PHACTR1: variants seen among roughly 807,000 people sequenced by gnomAD.
The protein encoded by PHACTR1 is phosphatase and actin regulator 1.
A neutral mutation model predicts 69.2 loss-of-function variants in PHACTR1; 16 were observed. The ratio of observed to expected loss-of-function variants is 0.23; its 90% CI spans 0.16 to 0.35. PHACTR1 has a LOEUF of 0.35. Among genes scored for constraint, PHACTR1 ranks in the 10% least tolerant of loss-of-function variants. The probability of loss-of-function intolerance (pLI) is 1.00; values close to 1 mark genes in which losing one functional copy is unlikely to be tolerated. For synonymous variants in PHACTR1, 312 were observed against 284.5 expected, an observed-to-expected ratio of 1.10 and a Z score of -0.97; for missense variants, 510 against 734.7, an observed-to-expected ratio of 0.69 and a Z score of 3.54.
At chr6:12,750,451 T>C (rs1554133022) in intron 4 of PHACTR1, among the ~76,000 whole-genome samples, 1 of 141,094 alleles carries the variant, frequency 7.1e-6, no homozygotes, top group Non-Finnish European at 1.5e-5. Flanking sequence ...GAAGGGAAGA[T>C]AGGGAGGAAA....
At position 12,755,997 on chromosome 6, in the gene PHACTR1, G is replaced by A. The variant is rs1045761816; in HGVS notation, c.250+6207G>A. 3.3e-5 allele frequency among the ~76,000 whole-genome samples: 5 copies of A among 152,208 alleles called. No individual in the cohort carries two copies. The South Asian group carries it at 1.0e-3, about 32-fold the overall frequency. ...AACTTCTTTCCCTTTTTCTTCACGTGCATATAAACTGACAGGTTCATCACC... is the reference window on the plus strand; with the variant it reads ...AACTTCTTTCCCTTTTTCTTCACGTACATATAAACTGACAGGTTCATCACC... On this transcript the variant is annotated intron_variant, in intron 4 of 14. Transcript: ENST00000332995.
chr6:13,243,244 C>CT (rs58107564), intron 10 of PHACTR1, among the ~76,000 whole-genome samples: 1,680 of 136,200 alleles, frequency 0.012, 30 homozygotes, highest in East Asian at 0.051. Flanking sequence ...TGTCAGACCA[C>CT]TTTTTTTTTT....
intron 4 of PHACTR1, among the ~76,000 whole-genome samples, chr6:12,758,898 G>A (rs539957249): frequency 2.2e-4 from 33 of 152,146 alleles, no homozygotes; most frequent in African/African-American, 7.7e-4. Flanking sequence ...TGAGGCGGGT[G>A]GATCACTTGA....
intron 4 of PHACTR1, among the ~76,000 whole-genome samples, chr6:12,845,745 A>C (rs986738686): frequency 3.9e-5 from 6 of 152,180 alleles, no homozygotes; most frequent in African/African-American, 7.2e-5. Flanking sequence ...AATTGTGCAC[A>C]TGCGTCCCTG....
chr6:13,010,012 C>T (rs1208217258), intron 4 of PHACTR1, among the ~76,000 whole-genome samples: 1 of 152,186 alleles, frequency 6.6e-6, no homozygotes, highest in Non-Finnish European at 1.5e-5. Context: ...ACCCCACACC[C>T]CTGATGTTAA....
At chr6:12,998,688 T>TA (rs1317227326) in intron 4 of PHACTR1, among the ~76,000 whole-genome samples, 2 of 151,320 alleles carry the variant, frequency 1.3e-5, no homozygotes, top group Non-Finnish European at 2.9e-5. Context: ...TTGGTAAGTT[T>TA]AAATTTAAAA....
intron 5 of PHACTR1, among the ~76,000 whole-genome samples, chr6:13,135,848 G>C (rs545769879): frequency 6.7e-4 from 102 of 151,372 alleles, no homozygotes; most frequent in South Asian, 6.0e-3. Context: ...CATTTCTCTA[G>C]AGACCCATCT....
At chr6:13,037,478 C>G (rs998887692) in intron 4 of PHACTR1, among the ~76,000 whole-genome samples, 1 of 152,166 alleles carries the variant, frequency 6.6e-6, no homozygotes, top group African/African-American at 2.4e-5. Flanking sequence ...GATAAGGGTG[C>G]AGCATTGTCT....
intron 4 of PHACTR1, among the ~76,000 whole-genome samples, chr6:12,894,931 T>G (rs1784506365): frequency 6.6e-6 from 1 of 152,220 alleles, no homozygotes; most frequent in South Asian, 2.1e-4. Flanking sequence ...ATATGCATGC[T>G]ATTTTTAAAC....
At chr6:12,897,887 C>G (rs1224362111) in intron 4 of PHACTR1, among the ~76,000 whole-genome samples, 1 of 152,056 alleles carries the variant, frequency 6.6e-6, no homozygotes, top group Admixed American at 6.5e-5. Flanking sequence ...CCAACAGGCC[C>G]TGGTGCGTGA....
chr6:13,013,233 C>T (rs748719899), intron 4 of PHACTR1, among the ~76,000 whole-genome samples: 56 of 152,300 alleles, frequency 3.7e-4, no homozygotes, highest in Non-Finnish European at 5.0e-4. Flanking sequence ...TCAGCGTTTT[C>T]TTTTCCTTTT....
chr6:13,053,030 C>T (rs1431844286), intron 4 of PHACTR1, among the ~76,000 whole-genome samples: 1 of 152,210 alleles, frequency 6.6e-6, no homozygotes, highest in Non-Finnish European at 1.5e-5. Flanking sequence ...CCAGTAGTTA[C>T]ACTGACTCTC....
chr6:13,178,987 G>A (rs1308739839), intron 6 of PHACTR1, among the ~76,000 whole-genome samples: 1 of 152,184 alleles, frequency 6.6e-6, no homozygotes, highest in African/African-American at 2.4e-5. Flanking sequence ...TGTAATCCCA[G>A]CACTTTGGGA....
intron 4 of PHACTR1, among the ~76,000 whole-genome samples, chr6:12,986,024 G>A (rs1404737790): frequency 6.6e-6 from 1 of 151,950 alleles, no homozygotes; most frequent in African/African-American, 2.4e-5. Flanking sequence ...CTAGTAGAGA[G>A]GGGATTTCAC....
At position 13,246,066 on chromosome 6, in the gene PHACTR1, A is replaced by G. The variant is rs1773542355; in HGVS notation, c.1391+15873A>G. ...TTCACACAGTAATTTCTGACAAACTAGGATTTAAAATAAAGTCCTCTGACC... is the reference window on the plus strand; with the variant it reads ...TTCACACAGTAATTTCTGACAAACTGGGATTTAAAATAAAGTCCTCTGACC... On this transcript the variant is annotated intron_variant, in intron 10 of 14. Coordinates refer to ENST00000332995, the MANE Select transcript of PHACTR1 (RefSeq NM_030948.6). This position sits in a 1 kb window ranked among gnomAD's most constrained non-coding sequence, Gnocchi z 4.2. Among the ~76,000 whole-genome samples, 1 of 152,220 alleles carries G rather than the reference A, an allele frequency of 6.6e-6. No individual in the cohort carries two copies.
At chr6:12,796,139 G>A (rs1424226270) in intron 4 of PHACTR1, among the ~76,000 whole-genome samples, 2 of 152,230 alleles carry the variant, frequency 1.3e-5, no homozygotes, top group Non-Finnish European at 2.9e-5. Flanking sequence ...GGGTATATAG[G>A]GTAGGGAGAT....
At chr6:13,143,177 G>A (rs1426664933) in intron 5 of PHACTR1, among the ~76,000 whole-genome samples, 5 of 152,090 alleles carry the variant, frequency 3.3e-5, no homozygotes. Context: ...TGGTTAATGG[G>A]TACAAAAAAA....
chr6:13,206,093 G>A lies in PHACTR1; in HGVS notation c.943G>A (p.Glu315Lys), dbSNP rs768921799. 1.9e-5 allele frequency: 31 copies of A among 1,611,996 alleles called. 1 individual carries two copies. The highest frequency in any genetic ancestry group is 8.0e-5 in the African/African-American group (6 of 74,828). The change falls in exon 8 of 15, where the codon GAG becomes AAG. Residue 315 changes from glutamate (E) to lysine (K), a missense_variant. This residue lies in a region of PHACTR1 where 419 missense variants were observed against 530.9 expected (regional missense o/e 0.79). Coordinates refer to ENST00000332995, the MANE Select transcript of PHACTR1 (RefSeq NM_030948.6). Reference sequence around the variant, plus strand: ...CCCCTCGGGCTGCAGAATGATAGACGAGCTCAACAAAACGCTGGCCATGAC... The same window carrying A: ...CCCCTCGGGCTGCAGAATGATAGACAAGCTCAACAAAACGCTGGCCATGAC... ...MHPSGCRMID[E>K]LNKTLAMTMQ... is the part of the protein sequence containing the mutation.
At chr6:12,869,564 G>A (rs1397222792) in intron 4 of PHACTR1, among the ~76,000 whole-genome samples, 1 of 152,138 alleles carries the variant, frequency 6.6e-6, no homozygotes, top group Non-Finnish European at 1.5e-5. Context: ...TGATGATCTA[G>A]CCCTATGCTT....
Sources: allele counts gnomAD v4.1 joint callset (sites outside exome capture counted in the v4.1 genomes callset), GRCh38; gene constraint gnomAD v4.1.1; regional missense constraint gnomAD v4.1.1; non-coding constraint Gnocchi (gnomAD v3.1); transcripts MANE v1.5; gene names NCBI Gene and HGNC (gene_info 2026-07-23, HGNC 2026-07-21).